LRMDA: variants seen among roughly 807,000 people sequenced by gnomAD.
LRMDA encodes the protein leucine rich melanocyte differentiation associated.
LRMDA carries 18 observed loss-of-function variants against 29.8 expected under a neutral mutation model. The ratio of observed to expected loss-of-function variants is 0.60; its 90% confidence interval spans 0.42 to 0.90. The LOEUF is 0.90. Among genes scored for constraint, LRMDA ranks in the 40% least tolerant of loss-of-function variants. The probability of loss-of-function intolerance (pLI) is 0.00; values close to 1 mark genes in which losing one functional copy is unlikely to be tolerated. For missense variants in LRMDA, 273 were observed against 273.9 expected, an observed-to-expected ratio of 1.00 and a Z score of 0.02; for synonymous variants, 125 against 109.4, an observed-to-expected ratio of 1.14 and a Z score of -0.89.
chr10:75,553,908 T>C (rs1840183778), intron 2 of LRMDA, among the ~76,000 whole-genome samples: 2 of 152,204 alleles, frequency 1.3e-5, no homozygotes, highest in South Asian at 4.1e-4. Context: ...ACTCTCCTTG[T>C]GGCTGGGGCT....
At chr10:76,052,063 G>C (rs566079913) in intron 4 of LRMDA, among the ~76,000 whole-genome samples, 3 of 152,236 alleles carry the variant, frequency 2.0e-5, no homozygotes, top group Admixed American at 2.0e-4. Context: ...TTTTGTTGAC[G>C]GACTCATCTA....
intron 2 of LRMDA, among the ~76,000 whole-genome samples, chr10:75,656,552 G>T (rs1036245693): frequency 6.6e-6 from 1 of 152,118 alleles, no homozygotes; most frequent in Admixed American, 6.5e-5. Flanking sequence ...GGGAGTCTTT[G>T]CTTGGAGGCA....
At chr10:76,115,481 T>C (rs1442707577) in intron 5 of LRMDA, among the ~76,000 whole-genome samples, 5 of 152,198 alleles carry the variant, frequency 3.3e-5, no homozygotes, top group African/African-American at 4.8e-5. Flanking sequence ...ACCCTGCCAG[T>C]TGGCAAAGCA....
chr10:75,520,584 C>G (rs746178224), intron 2 of LRMDA, among the ~76,000 whole-genome samples: 9 of 152,162 alleles, frequency 5.9e-5, no homozygotes, highest in African/African-American at 9.7e-5. Flanking sequence ...ATTCGTCTAG[C>G]CATTTTTCAA....
At chr10:76,345,590 T>C (rs1045670998) in intron 6 of LRMDA, among the ~76,000 whole-genome samples, 1 of 151,732 alleles carries the variant, frequency 6.6e-6, no homozygotes, top group Admixed American at 6.6e-5. Context: ...TCTATATTTA[T>C]GAAAAAACTC....
chr10:75,939,841 T>C (rs943260502), intron 2 of LRMDA, among the ~76,000 whole-genome samples: 13 of 152,244 alleles, frequency 8.5e-5, no homozygotes, highest in African/African-American at 2.6e-4. Flanking sequence ...CCCAGCCAAA[T>C]GGCTTTGGCT....
At chr10:76,104,212 C>T (rs973610876) in intron 5 of LRMDA, among the ~76,000 whole-genome samples, 1 of 152,116 alleles carries the variant, frequency 6.6e-6, no homozygotes, top group African/African-American at 2.4e-5. Context: ...AGGGAAGGAC[C>T]ATGGCTCTTC....
intron 2 of LRMDA, among the ~76,000 whole-genome samples, chr10:75,634,305 G>T (rs1303299792): frequency 6.6e-6 from 1 of 152,200 alleles, no homozygotes; most frequent in African/African-American, 2.4e-5. Context: ...GGTGCCTTTT[G>T]TGATGAATCT....
At chr10:75,917,819 G>A (rs141295159) in intron 2 of LRMDA, among the ~76,000 whole-genome samples, 37 of 152,274 alleles carry the variant, frequency 2.4e-4, no homozygotes, top group African/African-American at 4.6e-4. Context: ...TATAAGTCTC[G>A]GTTTCTTTCT....
At chr10:76,467,252 G>A (rs78160644) in intron 6 of LRMDA, among the ~76,000 whole-genome samples, 1 of 152,172 alleles carries the variant, frequency 6.6e-6, no homozygotes, top group African/African-American at 2.4e-5. Context: ...AGAACATGGG[G>A]TTGAGGCAAG....
At chr10:75,594,584 T>C (rs1236779930) in intron 2 of LRMDA, among the ~76,000 whole-genome samples, 1 of 152,236 alleles carries the variant, frequency 6.6e-6, no homozygotes, top group Non-Finnish European at 1.5e-5. Flanking sequence ...GAGCAAACTC[T>C]CAATGGGCCA....
chr10:76,073,359 T>TTTAGAAA (rs1848904789), intron 5 of LRMDA, among the ~76,000 whole-genome samples: 1 of 152,190 alleles, frequency 6.6e-6, no homozygotes, highest in Non-Finnish European at 1.5e-5. Flanking sequence ...TCTAAATGTG[T>TTTAGAAA]TCTTGATGTG....
At chr10:75,872,299 T>C (rs1309200804) in intron 2 of LRMDA, among the ~76,000 whole-genome samples, 1 of 150,088 alleles carries the variant, frequency 6.7e-6, no homozygotes, top group Non-Finnish European at 1.5e-5. Flanking sequence ...TCTCTCTCTC[T>C]CTTTTTTTTT....
At chr10:75,701,700 T>C (rs1842310302) in intron 2 of LRMDA, among the ~76,000 whole-genome samples, 1 of 152,162 alleles carries the variant, frequency 6.6e-6, no homozygotes, top group South Asian at 2.1e-4. Context: ...CTGAGTCAGC[T>C]CAGTCTTTAA....
At chr10:75,477,614 C>T (rs1204051556) in intron 2 of LRMDA, among the ~76,000 whole-genome samples, 1 of 152,198 alleles carries the variant, frequency 6.6e-6, no homozygotes, top group Non-Finnish European at 1.5e-5. Context: ...AGCCAAGTCC[C>T]CAGGCGCAAC....
At chr10:76,146,204 G>A (rs577652147) in intron 5 of LRMDA, among the ~76,000 whole-genome samples, 1 of 152,210 alleles carries the variant, frequency 6.6e-6, no homozygotes, top group South Asian at 2.1e-4. Context: ...ATTTCTATTA[G>A]GTCCACTTGG....
chr10:75,749,214 C>G (rs890085580), intron 2 of LRMDA, among the ~76,000 whole-genome samples: 2 of 152,146 alleles, frequency 1.3e-5, no homozygotes, highest in Non-Finnish European at 2.9e-5. Context: ...TTTCTTTTCT[C>G]TATCTTACTT....
rs564341008 is a variant in LRMDA at position 76,112,192 on chromosome 10, C to T, written c.516+53409C>T. 4.6e-5 allele frequency among the ~76,000 whole-genome samples: 7 copies of T among 152,244 alleles called. 1 individual carries two copies. The highest frequency in any genetic ancestry group is 1.7e-4 in the African/African-American group (7 of 41,572). On this transcript the variant is annotated intron_variant, in intron 5 of 6. Coordinates refer to ENST00000611255, the MANE Select transcript of LRMDA (RefSeq NM_001305581.2). ...GGAGGGCGGACGGGGACCCCTGTCTCCTTCTAGCGGCGAGGAATGAGCCTG... is the reference window on the plus strand; with the variant it reads ...GGAGGGCGGACGGGGACCCCTGTCTTCTTCTAGCGGCGAGGAATGAGCCTG...
intron 5 of LRMDA, among the ~76,000 whole-genome samples, chr10:76,106,490 C>T (rs1849486845): frequency 6.6e-6 from 1 of 152,164 alleles, no homozygotes; most frequent in Admixed American, 6.5e-5. Context: ...TATCATTTCC[C>T]CATTTTTATC....
Sources: gnomAD v4.1 joint callset for allele counts (sites outside exome capture counted in the v4.1 genomes callset) on GRCh38, gnomAD v4.1.1 for gene constraint, MANE v1.5 for transcripts, NCBI Gene and HGNC (gene_info 2026-07-23, HGNC 2026-07-21) for gene names.